Variants in MAPT observed in about 807,000 individuals in gnomAD.
MAPT encodes the protein microtubule associated protein tau.
Under a neutral mutation model 67.9 loss-of-function variants are expected in MAPT, and 34 were observed. That is an observed-to-expected ratio of 0.50 (90% CI 0.38 to 0.67). MAPT has a LOEUF of 0.67. MAPT is among the 30% of genes least tolerant of loss of function. The pLI is 0.00. For synonymous variants in MAPT, 456 were observed against 464.5 expected, an observed-to-expected ratio of 0.98 and a Z score of 0.23; for missense variants, 881 against 1,115.2, an observed-to-expected ratio of 0.79 and a Z score of 2.99.
intron 1 of MAPT, among the ~76,000 whole-genome samples, chr17:45,954,938 C>T (rs1299015495): frequency 1.3e-5 from 2 of 152,058 alleles, no homozygotes; most frequent in African/African-American, 4.8e-5. Context: ...GAGCCGAGAT[C>T]GTGCCACTTG....
intron 1 of MAPT, among the ~76,000 whole-genome samples, chr17:45,944,331 C>G (rs945930731): frequency 6.6e-6 from 1 of 152,216 alleles, no homozygotes; most frequent in African/African-American, 2.4e-5. Flanking sequence ...GAGCCGAGAA[C>G]AGGTGTCCTT....
intron 1 of MAPT, among the ~76,000 whole-genome samples, chr17:45,958,843 A>T (rs1252190640): frequency 6.6e-6 from 1 of 152,118 alleles, no homozygotes; most frequent in Non-Finnish European, 1.5e-5. Flanking sequence ...CAGGCAGATC[A>T]CTTGAGATCA....
rs1442093311 is a variant in MAPT, at chr17:45,971,560, A to C, written c.134-299A>C. Reference sequence around the variant, plus strand: ...TGCTGCCCGTTGACCAATGGAAGATAAACCTTTGCCTCAGGTGGCACCACT... The same window carrying C: ...TGCTGCCCGTTGACCAATGGAAGATCAACCTTTGCCTCAGGTGGCACCACT... On this transcript the variant is annotated intron_variant, in intron 2 of 12. Transcript: ENST00000262410. This position sits in a 1 kb window ranked among gnomAD's most constrained non-coding sequence, Gnocchi z 4.3. Among the ~76,000 whole-genome samples, 1 of 146,536 alleles carries C rather than the reference A, an allele frequency of 6.8e-6. No individual in the cohort carries two copies. The highest frequency in any genetic ancestry group is 1.6e-5 in the Non-Finnish European group (1 of 64,158).
chr17:45,970,199 C>T (rs946113180), intron 2 of MAPT, among the ~76,000 whole-genome samples: 7 of 152,190 alleles, frequency 4.6e-5, no homozygotes, highest in Non-Finnish European at 1.0e-4. Flanking sequence ...TATACATACA[C>T]ACATCCATAT....
At chr17:45,941,833 A>T (rs191419241) in intron 1 of MAPT, among the ~76,000 whole-genome samples, 238 of 151,184 alleles carry the variant, frequency 1.6e-3, no homozygotes, top group Non-Finnish European at 2.8e-3. Context: ...GATAATGGAC[A>T]TTTGGCATTG....
chr17:46,023,860 T>A lies in MAPT; in HGVS notation c.2287-96T>A, dbSNP rs184805232. 2.4e-5 allele frequency: 24 copies of A among 1,009,792 alleles called. 1 individual carries two copies. The Middle Eastern group carries it at 1.2e-3, about 51-fold the overall frequency. The allele number at this position is 1,009,792 out of a possible 1,614,324, so 62.6% of individuals were successfully genotyped here. ...TGTCTCAAAAACAAACAAAAAACAG[T>A]CCCTGGCACTCTGGGCCAGGCCTGG... On this transcript the variant is annotated intron_variant, in intron 12 of 12. Transcript: ENST00000262410.
chr17:45,964,561 A>G (rs2070835786), intron 2 of MAPT, among the ~76,000 whole-genome samples: 1 of 151,480 alleles, frequency 6.6e-6, no homozygotes, highest in Admixed American at 6.6e-5. Flanking sequence ...GCATGCACCT[A>G]TAGTCCCAGC....
In MAPT at chr17:46,018,600, G is replaced by A. The variant is rs755920405; in HGVS notation, c.2174-18G>A. On this transcript the variant is annotated intron_variant, in intron 11 of 12. Transcript: ENST00000262410. Reference sequence around the variant, plus strand: ...CAGAAGATGATGGCAAGATGCTCTTGTGTGTGTTGTGTTCTAGGAGGTGGC... The same window carrying A: ...CAGAAGATGATGGCAAGATGCTCTTATGTGTGTTGTGTTCTAGGAGGTGGC... 11 of 1,518,684 alleles carry A rather than the reference G, an allele frequency of 7.2e-6. No homozygotes were observed. In the South Asian group the frequency reaches 7.9e-5, roughly 11 times the overall value. The allele number at this position is 1,518,684 out of a possible 1,614,324, so 94.1% of individuals were successfully genotyped here. A position where few individuals can be genotyped will look rare whatever the true frequency, so the allele number is the denominator to read the frequency against.
At chr17:45,914,510 G>A (rs369175224) in intron 1 of MAPT, among the ~76,000 whole-genome samples, 8 of 152,302 alleles carry the variant, frequency 5.3e-5, no homozygotes, top group African/African-American at 1.9e-4. Context: ...AAAGCAGTGA[G>A]GAACAAGGCA....
chr17:46,002,216 G>A (rs1461049639), intron 9 of MAPT, among the ~76,000 whole-genome samples: 2 of 152,202 alleles, frequency 1.3e-5, no homozygotes, highest in Non-Finnish European at 2.9e-5. Flanking sequence ...GCCCTGAAGA[G>A]AGGCTCAGTT....
intron 6 of MAPT, 69 bp from the exon 7 acceptor site, chr17:45,989,808 CT>C (rs1368594594): frequency 2.9e-6 from 4 of 1,397,630 alleles, no homozygotes; most frequent in Non-Finnish European, 4.1e-6. Context: ...AGTTACTGTC[CT>C]TTTTTCAGTT....
At chr17:45,900,359 A>G (rs2063534821) in intron 1 of MAPT, among the ~76,000 whole-genome samples, 2 of 151,998 alleles carry the variant, frequency 1.3e-5, no homozygotes, top group African/African-American at 4.8e-5. Flanking sequence ...ATGGCTCCCA[A>G]CTGAGTGTGA....
intron 1 of MAPT, among the ~76,000 whole-genome samples, chr17:45,953,452 G>A (rs372134583): frequency 2.6e-5 from 4 of 152,352 alleles, no homozygotes; most frequent in Middle Eastern, 3.4e-3. Context: ...ATGAACCTAC[G>A]AGCATTTCCT....
In MAPT at chr17:45,933,510, G is replaced by T. The variant is rs192533599; in HGVS notation, c.-17-28811G>T. ...CCATCTTGACCTCCCAAAGTGTTGG[G>T]ATTACAGGCGTGAGCCACCGTGCCT... On this transcript the variant is annotated intron_variant, in intron 1 of 12. Coordinates refer to ENST00000262410, the MANE Select transcript of MAPT (RefSeq NM_001377265.1). Among the ~76,000 whole-genome samples the T allele has an allele frequency of 2.6e-5, 4 of 152,284 alleles. No homozygotes were observed. The East Asian group carries it at 7.7e-4, about 29-fold the overall frequency.
chr17:45,938,459 T>C (rs1004262216), intron 1 of MAPT, among the ~76,000 whole-genome samples: 1 of 152,220 alleles, frequency 6.6e-6, no homozygotes, highest in African/African-American at 2.4e-5. Context: ...CATGATTACT[T>C]TGGGCTCACT....
intron 1 of MAPT, among the ~76,000 whole-genome samples, chr17:45,946,614 AAATAT>A (rs1268692038): frequency 7.8e-6 from 1 of 128,320 alleles, no homozygotes; most frequent in African/African-American, 3.1e-5. Context: ...AAAAAAAAAA[AAATAT>A]ATATATATAT....
intron 1 of MAPT, among the ~76,000 whole-genome samples, chr17:45,925,038 A>G (rs968244911): frequency 6.6e-6 from 1 of 152,154 alleles, no homozygotes; most frequent in African/African-American, 2.4e-5. Flanking sequence ...AGGTAAATTT[A>G]GTTCTGACTT....
chr17:46,014,356 G>GA, intron 11 of MAPT, 32 bp downstream of exon 11: 1 of 1,480,592 alleles, frequency 6.8e-7, no homozygotes, highest in Non-Finnish European at 9.4e-7. Flanking sequence ...GTTGGGACGG[G>GA]AGGGTGCAGG....
intron 9 of MAPT, among the ~76,000 whole-genome samples, chr17:46,005,982 C>T (rs1417761285): frequency 6.6e-6 from 1 of 152,200 alleles, no homozygotes; most frequent in Non-Finnish European, 1.5e-5. Flanking sequence ...CCTCACATGG[C>T]CTCCTTGTCC....
Sources: gnomAD v4.1 joint callset for allele counts (sites outside exome capture counted in the v4.1 genomes callset) on GRCh38, gnomAD v4.1.1 for gene constraint, Gnocchi (gnomAD v3.1) non-coding constraint, MANE v1.5 for transcripts, NCBI Gene and HGNC (gene_info 2026-07-23, HGNC 2026-07-21) for gene names.